Variants in CAP2 observed in about 807,000 individuals in gnomAD.
CAP2 encodes cyclase associated actin cytoskeleton regulatory protein 2.
A neutral mutation model predicts 57.7 loss-of-function variants in CAP2; 24 were observed. The ratio of observed to expected loss-of-function variants is 0.42; its 90% CI spans 0.30 to 0.58. The LOEUF (loss-of-function observed/expected upper bound fraction) is 0.58, where lower values mean the gene tolerates loss of function less well. CAP2 is among the 20% of genes least tolerant of loss of function. The pLI is 0.22. For synonymous variants in CAP2, 194 were observed against 207.2 expected (o/e 0.94, Z 0.55); for missense variants, 501 against 590.3 (o/e 0.85, Z 1.57).
At chr6:17,488,187 C>T (rs1334189711) in intron 4 of CAP2, among the ~76,000 whole-genome samples, 1 of 152,196 alleles carries the variant, frequency 6.6e-6, no homozygotes, top group African/African-American at 2.4e-5. Context: ...AGATTACAGG[C>T]ATGAGCCACC....
chr6:17,491,804 A>G (rs1761548156), intron 4 of CAP2, among the ~76,000 whole-genome samples: 3 of 152,244 alleles, frequency 2.0e-5, no homozygotes, highest in Non-Finnish European at 2.9e-5. Context: ...CCAAAGTTTT[A>G]TGATGTTTAC....
At chr6:17,417,187 A>T (rs1005986905) in intron 1 of CAP2, among the ~76,000 whole-genome samples, 3 of 152,060 alleles carry the variant, frequency 2.0e-5, no homozygotes, top group Non-Finnish European at 4.4e-5. Flanking sequence ...TGCACTTCTC[A>T]TTATAATGAA....
intron 4 of CAP2, among the ~76,000 whole-genome samples, chr6:17,465,348 CCT>C (rs1760834719): frequency 6.6e-6 from 1 of 152,114 alleles, no homozygotes. Flanking sequence ...AACCGCTGTG[CCT>C]GGCTCTATTG....
intron 3 of CAP2, among the ~76,000 whole-genome samples, chr6:17,453,835 G>A (rs1458650475): frequency 6.6e-6 from 1 of 151,902 alleles, no homozygotes; most frequent in African/African-American, 2.4e-5. Context: ...CTTTTTTGGA[G>A]AGGCGGAGAC....
intron 11 of CAP2, among the ~76,000 whole-genome samples, chr6:17,550,173 G>C (rs1744543994): frequency 6.6e-6 from 1 of 152,032 alleles, no homozygotes; most frequent in Admixed American, 6.6e-5. Flanking sequence ...GTTCGAGACA[G>C]AGGTGGAGGT....
At chr6:17,463,962 G>A (rs919086224) in intron 4 of CAP2, among the ~76,000 whole-genome samples, 7 of 152,124 alleles carry the variant, frequency 4.6e-5, no homozygotes, top group Non-Finnish European at 1.0e-4. Context: ...AATACAGAAG[G>A]AATCAAATTG....
chr6:17,461,663 T>G (rs1383426637), intron 3 of CAP2, among the ~76,000 whole-genome samples: 1 of 152,042 alleles, frequency 6.6e-6, no homozygotes, highest in Admixed American at 6.6e-5. Context: ...ATCTGGATAT[T>G]TTTTCTTGGT....
intron 1 of CAP2, among the ~76,000 whole-genome samples, chr6:17,411,367 C>T (rs1759137550): frequency 6.6e-6 from 1 of 152,188 alleles, no homozygotes; most frequent in Admixed American, 6.5e-5. Flanking sequence ...AAGAAACTTC[C>T]AAACAGTTTA....
rs1007494439 is a variant in CAP2, at chr6:17,439,239, A to T, written c.222+12549A>T. 1.4e-5 allele frequency among the ~76,000 whole-genome samples: 2 copies of T among 141,828 alleles called. 1 individual carries two copies. The highest frequency in any genetic ancestry group is 5.6e-5 in the African/African-American group (2 of 35,404). The allele number at this position is 141,828 out of a possible 152,430, so 93.0% of individuals were successfully genotyped here. On this transcript the variant is annotated intron_variant, in intron 3 of 12. Transcript: ENST00000229922. Reference sequence around the variant, plus strand: ...GAGTTTATCTTGGTGAATGACGTTAAGGCATGGATCCAACTGTTTTTTTTT... The same window carrying T: ...GAGTTTATCTTGGTGAATGACGTTATGGCATGGATCCAACTGTTTTTTTTT...
chr6:17,416,034 C>A (rs1364080435), intron 1 of CAP2, among the ~76,000 whole-genome samples: 1 of 151,326 alleles, frequency 6.6e-6, no homozygotes, highest in Non-Finnish European at 1.5e-5. Context: ...TGTTTAGAAG[C>A]AAAAGAGTCA....
chr6:17,509,402 G>T (rs1324337046), intron 6 of CAP2, among the ~76,000 whole-genome samples: 1 of 152,140 alleles, frequency 6.6e-6, no homozygotes. Context: ...AGCAGACCAG[G>T]TGTGGTGGCT....
chr6:17,473,379 C>G (rs1761071683), intron 4 of CAP2, among the ~76,000 whole-genome samples: 1 of 152,138 alleles, frequency 6.6e-6, no homozygotes, highest in Non-Finnish European at 1.5e-5. Context: ...TATCAACGAT[C>G]TATCATTTTA....
In CAP2 at chr6:17,439,972, A is replaced by G. The variant is rs558664623; in HGVS notation, c.222+13282A>G. Among the ~76,000 whole-genome samples the G allele has an allele frequency of 6.1e-4, 93 of 151,504 alleles. 5 individuals are homozygous for G. Among genetic ancestry groups the G allele is most frequent in the African/African-American group, 2.2e-3 (88 of 40,918 alleles). On this transcript the variant is annotated intron_variant, in intron 3 of 12. Transcript: ENST00000229922. ...ATGTGTAATAGAGTTAATTCCCCCC[A>G]TAGGTCTTCCTATCCAGAGTTCTCC...
At chr6:17,461,797 C>T (rs1320626428) in intron 3 of CAP2, among the ~76,000 whole-genome samples, 4 of 149,986 alleles carry the variant, frequency 2.7e-5, no homozygotes, top group Non-Finnish European at 5.9e-5. Flanking sequence ...TCGAGACCAT[C>T]CTGGCGAACA....
At chr6:17,526,849 C>T (rs1383610025) in intron 7 of CAP2, among the ~76,000 whole-genome samples, 1 of 147,300 alleles carries the variant, frequency 6.8e-6, no homozygotes, top group Non-Finnish European at 1.5e-5. Context: ...CCCAGCTACC[C>T]GGGAGGCTGA....
intron 4 of CAP2, among the ~76,000 whole-genome samples, chr6:17,476,864 C>CTTTTTTTTTTTTTTTTT (rs67003718): frequency 1.4e-5 from 1 of 72,408 alleles, no homozygotes; most frequent in African/African-American, 6.9e-5. Flanking sequence ...TTTCTTACTT[C>CTTTTTTTTTTTTTTTTT]TTTTTTTTTT....
chr6:17,441,217 C>T (rs1260575628), intron 3 of CAP2, among the ~76,000 whole-genome samples: 1 of 151,260 alleles, frequency 6.6e-6, no homozygotes, highest in East Asian at 1.9e-4. Context: ...ATCGAAGTGA[C>T]CATTCTAAAC....
chr6:17,405,691 CTTTTG>C (rs1290520085), intron 1 of CAP2, among the ~76,000 whole-genome samples: 2 of 152,190 alleles, frequency 1.3e-5, no homozygotes, highest in East Asian at 1.9e-4. Context: ...ATGATTTCTT[CTTTTG>C]TTTTGTTTAT....
chr6:17,514,056 A>G, intron 7 of CAP2, 102 bp downstream of exon 7: 1 of 773,002 alleles, frequency 1.3e-6, no homozygotes, highest in Non-Finnish European at 2.2e-6. Flanking sequence ...CTCAAGGAAA[A>G]TGTAAGATTA....
Sources: allele counts gnomAD v4.1 joint callset (sites outside exome capture counted in the v4.1 genomes callset), GRCh38; gene constraint gnomAD v4.1.1; transcripts MANE v1.5; gene names NCBI Gene and HGNC (gene_info 2026-07-23, HGNC 2026-07-21).